Variants in SLC1A2 observed in about 807,000 individuals in gnomAD.
The protein encoded by SLC1A2 is excitatory amino acid transporter 2.
Under a neutral mutation model 48.8 loss-of-function variants are expected in SLC1A2, and 15 were observed. The ratio of observed to expected loss-of-function variants is 0.31; its 90% CI spans 0.21 to 0.47. SLC1A2 has a LOEUF of 0.47. Ranked by LOEUF, SLC1A2 falls within the 20% of genes least tolerant of loss-of-function variation. SLC1A2 has a pLI of 0.99. For synonymous variants in SLC1A2, 279 were observed against 272.6 expected, an observed-to-expected ratio of 1.02 and a Z score of -0.23; for missense variants, 502 against 730.5, an observed-to-expected ratio of 0.69 and a Z score of 3.61.
chr11:35,381,838 A>G (rs1266280670), intron 1 of SLC1A2, among the ~76,000 whole-genome samples: 2 of 152,212 alleles, frequency 1.3e-5, no homozygotes, highest in Non-Finnish European at 2.9e-5. Context: ...TCTTTCCCAG[A>G]AACACACAAC....
At chr11:35,395,953 T>A (rs1174544301) in intron 1 of SLC1A2, among the ~76,000 whole-genome samples, 2 of 149,368 alleles carry the variant, frequency 1.3e-5, no homozygotes, top group African/African-American at 5.0e-5. Context: ...TGCGATAGAT[T>A]ACTGAGAATG....
chr11:35,325,070 A>T (rs1032671298), intron 1 of SLC1A2, among the ~76,000 whole-genome samples: 11 of 152,328 alleles, frequency 7.2e-5, no homozygotes, highest in Admixed American at 5.9e-4. Flanking sequence ...ACGAAAATAC[A>T]TTTGATAACT....
intron 7 of SLC1A2, among the ~76,000 whole-genome samples, chr11:35,289,736 A>G (rs1201600070): frequency 1.3e-5 from 2 of 152,256 alleles, no homozygotes; most frequent in Non-Finnish European, 2.9e-5. Context: ...AGCAAAATCT[A>G]AATTCTAAAT....
intron 5 of SLC1A2, among the ~76,000 whole-genome samples, chr11:35,304,702 C>T (rs1291720867): frequency 6.6e-6 from 1 of 152,126 alleles, no homozygotes; most frequent in Non-Finnish European, 1.5e-5. Flanking sequence ...CCTCTCTCTC[C>T]TCTTTCTCTC....
At chr11:35,367,963 G>A (rs1045396374) in intron 1 of SLC1A2, among the ~76,000 whole-genome samples, 2 of 152,170 alleles carry the variant, frequency 1.3e-5, no homozygotes, top group African/African-American at 2.4e-5. Context: ...AGATATTATT[G>A]TCTGCTAAGC....
chr11:35,388,256 T>G (rs190531604), intron 1 of SLC1A2, among the ~76,000 whole-genome samples: 5 of 152,392 alleles, frequency 3.3e-5, no homozygotes, highest in Admixed American at 2.0e-4. Flanking sequence ...TTATTTAAAA[T>G]GTCTTTCATC....
intron 1 of SLC1A2, among the ~76,000 whole-genome samples, chr11:35,349,085 G>T (rs112611667): frequency 4.6e-5 from 7 of 152,154 alleles, no homozygotes; most frequent in African/African-American, 1.4e-4. Context: ...GAGTGGCAAG[G>T]TTCCAAAACA....
At chr11:35,335,894 T>A (rs1480107977) in intron 1 of SLC1A2, among the ~76,000 whole-genome samples, 2 of 152,174 alleles carry the variant, frequency 1.3e-5, no homozygotes, top group Non-Finnish European at 2.9e-5. Flanking sequence ...TTGTTAAAAA[T>A]CTGATCCAGT....
intron 1 of SLC1A2, chr11:35,322,722 C>T: frequency 1.9e-6 from 2 of 1,075,242 alleles, no homozygotes; most frequent in Non-Finnish European, 2.8e-6. Flanking sequence ...AGGTCCTCTC[C>T]CGTAAGACAG....
intron 1 of SLC1A2, among the ~76,000 whole-genome samples, chr11:35,376,064 T>C (rs1233625392): frequency 1.3e-5 from 2 of 152,124 alleles, no homozygotes; most frequent in African/African-American, 4.8e-5. Flanking sequence ...CTAGACAATC[T>C]ATTAGGCTTA....
chr11:35,282,290 C>T (rs1850666248), intron 8 of SLC1A2, among the ~76,000 whole-genome samples: 1 of 152,146 alleles, frequency 6.6e-6, no homozygotes, highest in African/African-American at 2.4e-5. Context: ...GTGGAGTGCT[C>T]AGCCGTGAAA....
intron 9 of SLC1A2, among the ~76,000 whole-genome samples, chr11:35,275,285 C>T (rs1482704896): frequency 6.6e-6 from 1 of 152,216 alleles, no homozygotes; most frequent in Non-Finnish European, 1.5e-5. Context: ...CTAGCAGAGT[C>T]TTATGTGAGA....
chr11:35,305,985 C>G, intron 5 of SLC1A2, 89 bp downstream of exon 5: 1 of 1,221,014 alleles, frequency 8.2e-7, no homozygotes, highest in Non-Finnish European at 1.2e-6. Context: ...ACCTAGAGGA[C>G]AGCTGAGTCA....
At chr11:35,292,226 A>G in intron 7 of SLC1A2, 61 bp downstream of exon 7, 1 of 1,206,400 alleles carries the variant, frequency 8.3e-7, no homozygotes, top group East Asian at 2.3e-5. Context: ...TTGAGAAATG[A>G]GAAATGGCAA....
At chr11:35,333,190 A>ATCATCTGAGG (rs1457635266) in intron 1 of SLC1A2, among the ~76,000 whole-genome samples, 2 of 152,162 alleles carry the variant, frequency 1.3e-5, no homozygotes, top group Admixed American at 6.5e-5. Flanking sequence ...AGGTGGGTGG[A>ATCATCTGAGG]TCATCTGAGG....
chr11:35,310,594 G>A (rs914361966), intron 4 of SLC1A2, among the ~76,000 whole-genome samples: 4 of 152,208 alleles, frequency 2.6e-5, no homozygotes, highest in Non-Finnish European at 5.9e-5. Flanking sequence ...GAGACAGCTA[G>A]GAATACATAC....
At chr11:35,407,294 C>T (rs1398364005) in intron 1 of SLC1A2, among the ~76,000 whole-genome samples, 2 of 152,162 alleles carry the variant, frequency 1.3e-5, no homozygotes, top group African/African-American at 2.4e-5. Context: ...TGGGATCAGT[C>T]TCACAGAGGC....
intron 9 of SLC1A2, 195 bp downstream of exon 9, chr11:35,280,672 A>T (rs1475145667): frequency 1.9e-6 from 1 of 528,026 alleles, no homozygotes; most frequent in African/African-American, 1.9e-5. Context: ...CTAGACTGTG[A>T]CGCCTTCAAA....
intron 1 of SLC1A2, among the ~76,000 whole-genome samples, chr11:35,337,337 A>G (rs2135016607): frequency 6.6e-6 from 1 of 152,300 alleles, no homozygotes; most frequent in African/African-American, 2.4e-5. Flanking sequence ...GAGGGTAGTC[A>G]GAAAGGCAGT....
Sources: gnomAD v4.1 joint callset for allele counts (sites outside exome capture counted in the v4.1 genomes callset) on GRCh38, gnomAD v4.1.1 for gene constraint, MANE v1.5 for transcripts, NCBI Gene and HGNC (gene_info 2026-07-23, HGNC 2026-07-21) for gene names.